The following ARB2A variants were observed in gnomAD, a reference collection of about 807,000 sequenced individuals.
ARB2A encodes the protein ARB2 cotranscriptional regulator A.
At chr5:93,974,343 T>C in the ARB2A span, among the ~76,000 whole-genome samples, 8 of 152,034 alleles carry the variant, frequency 5.3e-5, no homozygotes, top group African/African-American at 1.9e-4. Flanking sequence ...TCAGATAAAA[T>C]AGACTTTAAC....
chr5:93,928,401 C>T, the ARB2A span, among the ~76,000 whole-genome samples: 1 of 152,112 alleles, frequency 6.6e-6, no homozygotes, highest in Non-Finnish European at 1.5e-5. Context: ...CTACTACTTA[C>T]TCTCACCTTC....
chr5:93,961,551 G>A, the ARB2A span, among the ~76,000 whole-genome samples: 1 of 152,112 alleles, frequency 6.6e-6, no homozygotes, highest in South Asian at 2.1e-4. Context: ...AGGTGTGGTG[G>A]TGTGCACCTG....
At chr5:93,911,653 CAT>C in the ARB2A span, among the ~76,000 whole-genome samples, 11 of 149,410 alleles carry the variant, frequency 7.4e-5, no homozygotes, top group African/African-American at 1.2e-4. Flanking sequence ...CACACACACA[CAT>C]ACACACAAAC....
the ARB2A span, chr5:93,735,422 C>G: frequency 3.9e-5 from 6 of 152,252 alleles, no homozygotes; most frequent in African/African-American, 1.2e-4. Flanking sequence ...ACTCTAGGAG[C>G]TGTTCCCTGA....
the ARB2A span, among the ~76,000 whole-genome samples, chr5:93,672,131 A>C: frequency 6.6e-6 from 1 of 152,196 alleles, no homozygotes; most frequent in Admixed American, 6.5e-5. Flanking sequence ...TAAATAACAC[A>C]ACATATTTAC....
chr5:93,700,705 A>C, the ARB2A span, among the ~76,000 whole-genome samples: 1 of 152,138 alleles, frequency 6.6e-6, no homozygotes, highest in Non-Finnish European at 1.5e-5. Flanking sequence ...ACTAATTTTT[A>C]GTTTTATCTT....
chr5:93,665,810 T>C, the ARB2A span, among the ~76,000 whole-genome samples: 6 of 152,186 alleles, frequency 3.9e-5, no homozygotes, highest in Admixed American at 1.3e-4. Context: ...CCTACCGAGC[T>C]TTTTATCTGC....
the ARB2A span, among the ~76,000 whole-genome samples, chr5:93,748,777 T>C: frequency 1.3e-5 from 2 of 152,068 alleles, no homozygotes; most frequent in Non-Finnish European, 2.9e-5. Context: ...ATAATAAAAC[T>C]AATTTTATTT....
the ARB2A span, among the ~76,000 whole-genome samples, chr5:93,699,483 G>T: frequency 6.6e-6 from 1 of 152,070 alleles, no homozygotes; most frequent in East Asian, 1.9e-4. Flanking sequence ...AATATAAAAA[G>T]AATGCACTAG....
At chr5:93,744,200 G>A in the ARB2A span, among the ~76,000 whole-genome samples, 1 of 151,860 alleles carries the variant, frequency 6.6e-6, no homozygotes, top group African/African-American at 2.4e-5. Flanking sequence ...ACTTTGGGAG[G>A]CCAAGGTGGG....
the ARB2A span, among the ~76,000 whole-genome samples, chr5:94,104,692 C>T: frequency 6.6e-6 from 1 of 151,794 alleles, no homozygotes; most frequent in Non-Finnish European, 1.5e-5. Flanking sequence ...TGTAGAAACA[C>T]AACGAAAAAA....
the ARB2A span, among the ~76,000 whole-genome samples, chr5:94,042,596 C>T: frequency 6.6e-6 from 1 of 152,202 alleles, no homozygotes; most frequent in African/African-American, 2.4e-5. Context: ...TGAGCCACTG[C>T]GCCCAGCCAC....
chr5:93,720,481 G>C, the ARB2A span, among the ~76,000 whole-genome samples: 1 of 152,074 alleles, frequency 6.6e-6, no homozygotes, highest in African/African-American at 2.4e-5. Flanking sequence ...TTAAGATCTG[G>C]ATGCTATTTA....
the ARB2A span, among the ~76,000 whole-genome samples, chr5:94,104,356 C>T: frequency 6.7e-6 from 1 of 149,816 alleles, no homozygotes; most frequent in Admixed American, 6.6e-5. Context: ...AAAAAAAAAA[C>T]TCTCAGAGAC....
chr5:93,633,681 C>T, the ARB2A span, among the ~76,000 whole-genome samples: 1,050 of 152,208 alleles, frequency 6.9e-3, 11 homozygotes, highest in African/African-American at 0.024. Context: ...AAAAGCAAAT[C>T]GCAAGGAATA....
the ARB2A span, among the ~76,000 whole-genome samples, chr5:93,638,349 T>C: frequency 6.6e-6 from 1 of 152,236 alleles, no homozygotes; most frequent in Non-Finnish European, 1.5e-5. Flanking sequence ...GCTGGCACTT[T>C]GACAGGAATT....
At chr5:93,901,519 T>C in the ARB2A span, among the ~76,000 whole-genome samples, 1 of 152,188 alleles carries the variant, frequency 6.6e-6, no homozygotes, top group Non-Finnish European at 1.5e-5. Context: ...TAAGGGCCTA[T>C]ATTATATTCA....
chr5:93,926,216 G>A, the ARB2A span, among the ~76,000 whole-genome samples: 7 of 151,126 alleles, frequency 4.6e-5, no homozygotes, highest in Non-Finnish European at 1.0e-4. Flanking sequence ...CGCAACCTCT[G>A]CCTCCCGGTT....
chr5:93,652,087 T>C, the ARB2A span, among the ~76,000 whole-genome samples: 19 of 152,020 alleles, frequency 1.2e-4, no homozygotes, highest in Non-Finnish European at 2.5e-4. Flanking sequence ...TCCAAACATA[T>C]CAATAATGAC....
Sources: allele counts gnomAD v4.1 joint callset (sites outside exome capture counted in the v4.1 genomes callset), GRCh38; gene constraint gnomAD v4.1.1; transcripts MANE v1.5; gene names NCBI Gene and HGNC (gene_info 2026-07-23, HGNC 2026-07-21).